Variants in ESYT3 observed in about 807,000 individuals in gnomAD.
ESYT3 encodes the protein extended synaptotagmin-3.
A neutral mutation model predicts 111.5 loss-of-function variants in ESYT3; 101 were observed. The ratio of observed to expected loss-of-function variants is 0.91; its 90% CI spans 0.77 to 1.07. ESYT3 has a LOEUF of 1.07. Among genes scored for constraint, ESYT3 ranks in the 50% least tolerant of loss-of-function variants. The pLI, the probability that ESYT3 is intolerant of heterozygous loss-of-function variation, is 0.00. For missense variants in ESYT3, 1,097 were observed against 1,109.4 expected, an observed-to-expected ratio of 0.99 and a Z score of 0.16; for synonymous variants, 416 against 446.8, an observed-to-expected ratio of 0.93 and a Z score of 0.87.
chr3:138,468,536 C>A, intron 12 of ESYT3, 119 bp from the exon 13 acceptor site: 2 of 980,152 alleles, frequency 2.0e-6, no homozygotes, highest in Middle Eastern at 3.1e-4. Flanking sequence ...GGTCCTCCGG[C>A]AGCTAGTCTG....
chr3:138,460,313 C>T (rs1167423003), intron 6 of ESYT3, among the ~76,000 whole-genome samples: 3 of 152,190 alleles, frequency 2.0e-5, no homozygotes, highest in Admixed American at 1.3e-4. Flanking sequence ...CAGCCTGTGG[C>T]CATGTGGACG....
Position 138,476,895 on chromosome 3 carries a change from T to A in ESYT3, c.*41T>A, listed in dbSNP as rs935557492. Reference sequence around the variant, plus strand: ...TCACTCACCTTTATATTAAAATGTATATATATGTATATATTTTTTCCTTTG... The same window carrying A: ...TCACTCACCTTTATATTAAAATGTAAATATATGTATATATTTTTTCCTTTG... On this transcript the variant is annotated 3_prime_UTR_variant, in exon 23 of 23. Transcript: ENST00000389567. 4.6e-6 allele frequency: 7 copies of A among 1,510,880 alleles called. No individual in the cohort carries two copies. The African/African-American group carries it at 9.9e-5, about 21-fold the overall frequency. 93.6% of individuals were successfully genotyped at this position (1,510,880 alleles called of 1,614,324 possible).
At position 138,440,580 on chromosome 3, in the gene ESYT3, G is replaced by T. The variant is rs1395436454; in HGVS notation, c.327+5455G>T. 4.6e-5 allele frequency among the ~76,000 whole-genome samples: 7 copies of T among 152,200 alleles called. No homozygotes were observed. The highest frequency in any genetic ancestry group is 1.5e-5 in the Non-Finnish European group (1 of 68,048). ...ACTGGTTGGGTGCTGCTTGGAATTA[G>T]GGAGACTTCTTACCCTTGAGGTCCC... On this transcript the variant is annotated intron_variant, in intron 1 of 22. Transcript: ENST00000389567. This position sits in a 1 kb window ranked among gnomAD's most constrained non-coding sequence, Gnocchi z 4.2.
At chr3:138,450,150 T>C (rs1202477594) in intron 1 of ESYT3, among the ~76,000 whole-genome samples, 1 of 152,172 alleles carries the variant, frequency 6.6e-6, no homozygotes, top group Admixed American at 6.5e-5. Flanking sequence ...TGCAGGCCTT[T>C]GGTAGGAACA....
At chr3:138,480,219 A>G (rs2033660476), downstream of ESYT3, 1 of 152,130 alleles carries the variant, frequency 6.6e-6, no homozygotes, top group African/African-American at 2.4e-5. Flanking sequence ...TAGAATGTCA[A>G]AAGTAAAAAG....
intron 8 of ESYT3, 42 bp from the exon 9 acceptor site, chr3:138,464,303 C>G (rs2032808428): frequency 6.2e-7 from 1 of 1,606,992 alleles, no homozygotes; most frequent in African/African-American, 1.3e-5. Context: ...ACTTGGAGGC[C>G]CCAGGAAGCA....
At position 138,457,612 on chromosome 3, in the gene ESYT3, C is replaced by A. The variant is rs776055727; in HGVS notation, c.549C>A (p.Asn183Lys). ...NGVKAHTNTCNRRRVTVDLQI... is the reference protein window; with the variant it reads ...NGVKAHTNTCKRRRVTVDLQI... ...TCAAGGCACACACTAATACGTGCAA[C>A]CGAAGACGTGTGACTGTGGACCTGC... Residue 183 changes from asparagine (N) to lysine (K), a missense_variant, in exon 4 of 23, where the codon AAC becomes AAA. Asn to Lys is a moderately conservative substitution (Grantham distance 94). Transcript: ENST00000389567. 6.2e-7 allele frequency: 1 copy of A among 1,614,060 alleles called. No homozygotes were observed. The highest frequency in any genetic ancestry group is 1.1e-5 in the South Asian group (1 of 91,084).
chr3:138,462,976 A>T (rs577578733), intron 8 of ESYT3, among the ~76,000 whole-genome samples: 1 of 152,236 alleles, frequency 6.6e-6, no homozygotes, highest in Admixed American at 6.5e-5. Context: ...GTTACTTAAT[A>T]TGAACAAATA....
At chr3:138,461,948 G>C in intron 7 of ESYT3, 138 bp from the exon 8 acceptor site, 1 of 1,225,590 alleles carries the variant, frequency 8.2e-7, no homozygotes, top group Non-Finnish European at 1.2e-6. Context: ...CCCTACCCAG[G>C]CAAGTGGGGT....
chr3:138,469,072 C>A (rs775047156), intron 14 of ESYT3, among the ~76,000 whole-genome samples, 191 bp downstream of exon 14: 1 of 152,190 alleles, frequency 6.6e-6, no homozygotes, highest in Non-Finnish European at 1.5e-5. Flanking sequence ...CATTTGTTAT[C>A]CCTGAGTCTC....
rs553003534 is a variant in ESYT3 at position 138,436,697 on chromosome 3, A to G, written c.327+1572A>G. 5.9e-5 allele frequency among the ~76,000 whole-genome samples: 9 copies of G among 152,166 alleles called. No individual in the cohort carries two copies. The South Asian group carries it at 1.9e-3, about 32-fold the overall frequency. ...GTTCTGTGGGGCTTGTGATTCTGAA[A>G]GGTGTGGACCCAGCAGGCTTGACCT... On this transcript the variant is annotated intron_variant, in intron 1 of 22. Coordinates refer to ENST00000389567, the MANE Select transcript of ESYT3 (RefSeq NM_031913.5).
Position 138,435,081 on chromosome 3 carries a change from G to C in ESYT3, c.283G>C (p.Glu95Gln). The C allele has an allele frequency of 6.3e-7, 1 of 1,592,894 alleles. No homozygotes were observed. Among genetic ancestry groups the C allele is most frequent in the African/African-American group, 1.3e-5 (1 of 74,912 alleles). The change falls in exon 1 of 23, where the codon GAG (glutamate) becomes CAG (glutamine). Residue 95 changes from glutamate to glutamine, a missense_variant. Glu to Gln is a conservative substitution (Grantham distance 29). Transcript: ENST00000389567. The surrounding 1 kb of genome is among the most constrained non-coding windows in gnomAD (Gnocchi z 4.8). ...AAFEFLDNER[E>Q]FISRELRGQH... ...CTTCGAATTCCTTGACAATGAACGCGAGTTCATCAGCCGCGAGCTGCGGGG... is the reference window on the plus strand; with the variant it reads ...CTTCGAATTCCTTGACAATGAACGCCAGTTCATCAGCCGCGAGCTGCGGGG...
intron 7 of ESYT3, 30 bp downstream of exon 7, chr3:138,460,696 T>G (rs757129050): frequency 6.2e-7 from 1 of 1,613,170 alleles, no homozygotes; most frequent in Non-Finnish European, 8.5e-7. Flanking sequence ...TCGAGGGAGA[T>G]CATAAGTTTG....
intron 10 of ESYT3, 97 bp from the exon 11 acceptor site, chr3:138,467,464 C>T (rs2032986565): frequency 8.1e-7 from 1 of 1,240,208 alleles, no homozygotes; most frequent in African/African-American, 1.5e-5. Context: ...AATGGCCGCA[C>T]TCAGATATCT....
intron 14 of ESYT3, chr3:138,469,179 G>A (rs1209439505): frequency 1.0e-5 from 6 of 593,920 alleles, no homozygotes; most frequent in African/African-American, 5.6e-5. Context: ...CCCAGGGAAC[G>A]AGAGCCTGTG....
chr3:138,469,683 A>G (rs559892314), intron 15 of ESYT3, among the ~76,000 whole-genome samples, 179 bp downstream of exon 15: 1 of 152,338 alleles, frequency 6.6e-6, no homozygotes, highest in East Asian at 1.9e-4. Context: ...TGAGGATCAG[A>G]GATAAATGAC....
intron 1 of ESYT3, among the ~76,000 whole-genome samples, chr3:138,447,664 A>G (rs938290976): frequency 3.9e-5 from 6 of 152,226 alleles, no homozygotes; most frequent in African/African-American, 7.2e-5. Flanking sequence ...ACTATTAACA[A>G]ATTTCAGCAA....
At chr3:138,462,028 C>T (rs955186835) in intron 7 of ESYT3, 58 bp from the exon 8 acceptor site, 39 of 1,609,984 alleles carry the variant, frequency 2.4e-5, no homozygotes, top group African/African-American at 2.7e-5. Flanking sequence ...GATGGAGTGG[C>T]AGGTGGCATG....
chr3:138,452,267 A>G (rs2031991226), intron 2 of ESYT3, among the ~76,000 whole-genome samples, 178 bp downstream of exon 2: 1 of 152,232 alleles, frequency 6.6e-6, no homozygotes, highest in Admixed American at 6.5e-5. Context: ...ACAACAACAA[A>G]TTGAAATTAA....
Sources: gnomAD v4.1 joint callset for allele counts (sites outside exome capture counted in the v4.1 genomes callset) on GRCh38, gnomAD v4.1.1 for gene constraint, Gnocchi (gnomAD v3.1) non-coding constraint, MANE v1.5 for transcripts, NCBI Gene and HGNC (gene_info 2026-07-23, HGNC 2026-07-21) for gene names.